Variants in ADARB2 observed in about 807,000 individuals in gnomAD.
ADARB2 encodes the protein inactive double-stranded RNA-specific editase B2.
ADARB2 carries 25 observed loss-of-function variants against 62.2 expected under a neutral mutation model. That is an observed-to-expected ratio of 0.40 (90% CI 0.29 to 0.56). The LOEUF (loss-of-function observed/expected upper bound fraction) is 0.56. Ranked by LOEUF, ADARB2 falls within the 20% of genes least tolerant of loss-of-function variation. The probability of loss-of-function intolerance (pLI) is 0.43; values close to 1 mark genes in which losing one functional copy is unlikely to be tolerated. For synonymous variants in ADARB2, 572 were observed against 500.8 expected (o/e 1.14, Z -1.90); for missense variants, 1,071 against 1,077.4 (o/e 0.99, Z 0.08).
At chr10:1,533,268 G>A (rs532672137) in intron 1 of ADARB2, among the ~76,000 whole-genome samples, 29 of 148,628 alleles carry the variant, frequency 2.0e-4, no homozygotes, top group East Asian at 9.9e-4. Flanking sequence ...ACAGGCGTGC[G>A]CCACCATGCC....
Position 1,241,551 on chromosome 10 carries a change from G to A in ADARB2, c.1361+580C>T, listed in dbSNP as rs556988875. Among the ~76,000 whole-genome samples, 193 of 152,320 alleles carry A rather than the reference G, an allele frequency of 1.3e-3. 2 individuals carry two copies. Among genetic ancestry groups the A allele is most frequent in the Non-Finnish European group, 1.5e-3 (105 of 68,030 alleles). On this transcript the variant is annotated intron_variant, in intron 5 of 9. Coordinates refer to ENST00000381312, the MANE Select transcript of ADARB2 (RefSeq NM_018702.4). ...CCTGGGGGTGTGTCGCGGAGGCCAC[G>A]TGCTGCAAACCACCTGGGTTTTGCT...
chr10:1,735,249 T>C (rs1835287035), intron 1 of ADARB2, among the ~76,000 whole-genome samples: 1 of 152,230 alleles, frequency 6.6e-6, no homozygotes, highest in Non-Finnish European at 1.5e-5. Context: ...ATGGAAATAT[T>C]TGCTATAGGA....
At chr10:1,502,650 A>T (rs1292179535) in intron 1 of ADARB2, among the ~76,000 whole-genome samples, 1 of 152,216 alleles carries the variant, frequency 6.6e-6, no homozygotes, top group Non-Finnish European at 1.5e-5. Context: ...CTGTGGACGG[A>T]AGTCTGAGTG....
At chr10:1,512,763 G>A (rs1192170639) in intron 1 of ADARB2, among the ~76,000 whole-genome samples, 1 of 152,224 alleles carries the variant, frequency 6.6e-6, no homozygotes, top group African/African-American at 2.4e-5. Context: ...CCCCAGGGAT[G>A]TGGAGCAGGT....
rs534317987 is a variant in ADARB2, at chr10:1,303,280, A to G, written c.1078-32211T>C. Reference sequence around the variant, plus strand: ...ATCAACTGGAAGAAAGGGTATCAGCAATGGAAGATGAAATGAATGAAATGA... The same window carrying G: ...ATCAACTGGAAGAAAGGGTATCAGCGATGGAAGATGAAATGAATGAAATGA... On this transcript the variant is annotated intron_variant, in intron 3 of 9. Coordinates refer to ENST00000381312, the MANE Select transcript of ADARB2 (RefSeq NM_018702.4). 5.4e-3 allele frequency among the ~76,000 whole-genome samples: 819 copies of G among 152,242 alleles called. 4 individuals carry two copies. Among genetic ancestry groups the G allele is most frequent in the African/African-American group, 0.019 (772 of 41,552 alleles).
chr10:1,671,286 T>C (rs1309028470), intron 1 of ADARB2, among the ~76,000 whole-genome samples: 2 of 152,182 alleles, frequency 1.3e-5, no homozygotes, highest in African/African-American at 2.4e-5. Context: ...CTCAGAACTT[T>C]CTATTCATTA....
chr10:1,596,046 G>C (rs1180368346), intron 1 of ADARB2, among the ~76,000 whole-genome samples: 6 of 152,202 alleles, frequency 3.9e-5, no homozygotes, highest in African/African-American at 1.2e-4. Context: ...TTCATGACTT[G>C]TTCACAGAAA....
chr10:1,233,782 C>T lies in ADARB2; in HGVS notation c.1425G>A (p.Leu475=). Residue 475 remains leucine, a synonymous_variant, in exon 6 of 10, where the codon CTG becomes CTA. Transcript: ENST00000381312. ...FVRLKEGGYR[L]RENILFHLYV... The stretch of plus-strand genomic sequence containing the variant: ...AGAGATGGAAGAGGATGTTCTCTCG[C>T]AGCCGGTAGCCACCTTCTTTTAACC... 3 of 1,613,992 alleles carry T rather than the reference C, an allele frequency of 1.9e-6. No homozygotes were observed. Among genetic ancestry groups the T allele is most frequent in the Non-Finnish European group, 1.7e-6 (2 of 1,179,992 alleles).
intron 1 of ADARB2, among the ~76,000 whole-genome samples, chr10:1,457,457 A>G (rs1831108855): frequency 1.3e-5 from 2 of 152,190 alleles, no homozygotes; most frequent in African/African-American, 4.8e-5. Flanking sequence ...GGTGCACCCC[A>G]TTAACCCACA....
rs73581808 is a variant in ADARB2, at chr10:1,648,537, C to T, written c.100+88514G>A. Among the ~76,000 whole-genome samples the T allele has an allele frequency of 1.6e-3, 238 of 152,292 alleles. 1 individual carries two copies. The highest frequency in any genetic ancestry group is 3.9e-3 in the African/African-American group (161 of 41,552). On this transcript the variant is annotated intron_variant, in intron 1 of 9. Transcript: ENST00000381312. ...TTGTGCTTGGAATCGTCCCTGCCTACGCTCGAGAACTGTTCACTTAGAAAA... is the reference window on the plus strand; with the variant it reads ...TTGTGCTTGGAATCGTCCCTGCCTATGCTCGAGAACTGTTCACTTAGAAAA...
intron 3 of ADARB2, among the ~76,000 whole-genome samples, chr10:1,289,573 G>A (rs892144197): frequency 2.0e-5 from 3 of 152,230 alleles, no homozygotes; most frequent in South Asian, 2.1e-4. Context: ...TGCTCCTGAC[G>A]GGCAGACCCA....
intron 1 of ADARB2, among the ~76,000 whole-genome samples, chr10:1,629,450 C>T (rs537243715): frequency 9.9e-5 from 15 of 152,148 alleles, no homozygotes; most frequent in Middle Eastern, 3.4e-3. Context: ...AAAGCCTCAG[C>T]GCTCAAGCAC....
At chr10:1,300,509 C>CTATA (rs1183143522) in intron 3 of ADARB2, among the ~76,000 whole-genome samples, 5 of 152,214 alleles carry the variant, frequency 3.3e-5, no homozygotes, top group Non-Finnish European at 7.3e-5. Flanking sequence ...ATGTGTGCTC[C>CTATA]TATAACACTT....
intron 3 of ADARB2, among the ~76,000 whole-genome samples, chr10:1,315,674 A>G (rs1831733018): frequency 6.6e-6 from 1 of 152,208 alleles, no homozygotes; most frequent in Non-Finnish European, 1.5e-5. Context: ...GCCCCTATGC[A>G]GGTGAAGACG....
chr10:1,657,587 G>C (rs1450546055), intron 1 of ADARB2, among the ~76,000 whole-genome samples: 1 of 152,074 alleles, frequency 6.6e-6, no homozygotes, highest in African/African-American at 2.4e-5. Flanking sequence ...GGAGTCTCTC[G>C]AGGCCTCCAA....
intron 3 of ADARB2, among the ~76,000 whole-genome samples, chr10:1,315,039 G>A (rs1271263226): frequency 1.3e-5 from 2 of 152,208 alleles, no homozygotes; most frequent in African/African-American, 4.8e-5. Context: ...GTTCCAACAT[G>A]ACGAAGTAGC....
intron 5 of ADARB2, among the ~76,000 whole-genome samples, chr10:1,234,451 T>C (rs1366091188): frequency 6.6e-6 from 1 of 152,152 alleles, no homozygotes; most frequent in Non-Finnish European, 1.5e-5. Flanking sequence ...TATTATTCTT[T>C]TCTAAAGATA....
At chr10:1,198,788 CA>C (rs1245609350) in intron 8 of ADARB2, among the ~76,000 whole-genome samples, 1 of 152,188 alleles carries the variant, frequency 6.6e-6, no homozygotes, top group Non-Finnish European at 1.5e-5. Context: ...TTTATGTTGA[CA>C]TGTTCCCAGA....
rs189910541 is a variant in ADARB2 at position 1,189,269 on chromosome 10, C to T, written c.1865-4230G>A. ...CATGGTGCACTGATTTTATAATTTT[C>T]CACCAGTTTCCCAGGTGCCGTACAA... On this transcript the variant is annotated intron_variant, in intron 8 of 9. Transcript: ENST00000381312. Among the ~76,000 whole-genome samples the T allele has an allele frequency of 1.5e-3, 224 of 152,154 alleles. 1 individual carries two copies. Among genetic ancestry groups the T allele is most frequent in the Admixed American group, 1.0e-3 (16 of 15,294 alleles).
Sources: gnomAD v4.1 joint callset for allele counts (sites outside exome capture counted in the v4.1 genomes callset) on GRCh38, gnomAD v4.1.1 for gene constraint, MANE v1.5 for transcripts, NCBI Gene and HGNC (gene_info 2026-07-23, HGNC 2026-07-21) for gene names.